HERC2: variants seen among roughly 807,000 people sequenced by gnomAD.
HERC2 encodes the protein HECT and RLD domain containing E3 ubiquitin protein ligase 2.
In HERC2, 102 loss-of-function variants were observed where a neutral mutation model predicts 537.7. That is an observed-to-expected ratio of 0.19 (90% CI 0.16 to 0.22). The LOEUF (loss-of-function observed/expected upper bound fraction) is 0.22, where lower values mean the gene tolerates loss of function less well. Ranked by LOEUF, HERC2 falls within the 10% of genes least tolerant of loss-of-function variation. The pLI, the probability that HERC2 is intolerant of heterozygous loss-of-function variation, is 1.00. For missense variants in HERC2, 4,236 were observed against 6,198.2 expected, an observed-to-expected ratio of 0.68 and a Z score of 10.63; for synonymous variants, 2,224 against 2,466.2, an observed-to-expected ratio of 0.90 and a Z score of 2.91.
intron 10 of HERC2, among the ~76,000 whole-genome samples, chr15:28,270,414 G>A (rs2075690457): frequency 6.6e-6 from 1 of 152,090 alleles, no homozygotes; most frequent in East Asian, 1.9e-4. Flanking sequence ...CAGAAGGTGG[G>A]AGGGCCTGGG....
intron 83 of HERC2, among the ~76,000 whole-genome samples, chr15:28,129,221 T>C (rs1401472786): frequency 2.0e-5 from 3 of 152,230 alleles, no homozygotes; most frequent in Non-Finnish European, 4.4e-5. Flanking sequence ...CAGTGTATTA[T>C]GGCAAGAGGA....
At chr15:28,263,240 T>A in intron 14 of HERC2, 71 bp from the exon 15 acceptor site, 3 of 1,524,396 alleles carry the variant, frequency 2.0e-6, no homozygotes, top group Non-Finnish European at 2.7e-6. Context: ...TGACTGCAAA[T>A]AATATAATGA....
At chr15:28,224,455 C>A (rs957094198) in intron 35 of HERC2, among the ~76,000 whole-genome samples, 1 of 152,156 alleles carries the variant, frequency 6.6e-6, no homozygotes, top group African/African-American at 2.4e-5. Flanking sequence ...CTCCTGAGCT[C>A]AAGCGACCCA....
At position 28,179,178 on chromosome 15, in the gene HERC2, C is replaced by T; in HGVS notation, c.8983G>A (p.Val2995Ile). Residue 2995 changes from valine (V) to isoleucine (I), a missense_variant, in exon 58 of 93, where the codon GTA becomes ATA. Around this residue, in one of 27 missense-constraint regions of HERC2, gnomAD observed 606 missense variants for 884.5 expected, o/e 0.69. Coordinates refer to ENST00000261609, the MANE Select transcript of HERC2 (RefSeq NM_004667.6). ...FSETLSALNVVQVAGGSKSLF... is the reference protein window; with the variant it reads ...FSETLSALNVIQVAGGSKSLF... ...CTTTTAGATCCACCAGCCACCTGTACCACATTCAAAGCTGACAGTGTCTCA... is the reference window on the plus strand; with the variant it reads ...CTTTTAGATCCACCAGCCACCTGTATCACATTCAAAGCTGACAGTGTCTCA... 6.2e-7 allele frequency: 1 copy of T among 1,613,068 alleles called. No individual in the cohort carries two copies. Among genetic ancestry groups the T allele is most frequent in the Admixed American group, 1.7e-5 (1 of 59,948 alleles).
rs1351105512 is a variant in HERC2, at chr15:28,270,768, A to G, written c.1184T>C (p.Val395Ala). ...CAGACGGTCTAAATGGGCCATGACA[A>G]CAACCGCCGTTTGTCGCAGATCAAT... ...LAIDLRQTAVVVMAHLDRLAT... is the reference protein window; with the variant it reads ...LAIDLRQTAVAVMAHLDRLAT... Residue 395 changes from valine (V) to alanine (A), a missense_variant, in exon 10 of 93, where the codon GTT becomes GCT. By Grantham distance (64) the Val-to-Ala change is moderately conservative (BLOSUM62 0). Transcript: ENST00000261609. 1 of 1,613,886 alleles carries G rather than the reference A, an allele frequency of 6.2e-7. No homozygotes were observed. The highest frequency in any genetic ancestry group is 1.3e-5 in the African/African-American group (1 of 74,928).
intron 20 of HERC2, among the ~76,000 whole-genome samples, chr15:28,249,569 T>G (rs921290514): frequency 6.6e-6 from 1 of 152,126 alleles, no homozygotes; most frequent in Non-Finnish European, 1.5e-5. Flanking sequence ...TAATGGAATG[T>G]CAGGCTGTGG....
At chr15:28,241,430 G>A (rs1209445513) in intron 23 of HERC2, among the ~76,000 whole-genome samples, 1 of 151,910 alleles carries the variant, frequency 6.6e-6, no homozygotes, top group Non-Finnish European at 1.5e-5. Context: ...ATAAAATGGT[G>A]CAGCCACTCC....
chr15:28,304,696 G>A (rs1383871116), intron 2 of HERC2, among the ~76,000 whole-genome samples: 2 of 147,500 alleles, frequency 1.4e-5, no homozygotes, highest in East Asian at 3.9e-4. Flanking sequence ...TCTAGCAAGG[G>A]CTTCCATTTT....
intron 5 of HERC2, among the ~76,000 whole-genome samples, chr15:28,277,373 A>G (rs946711684): frequency 6.6e-6 from 1 of 151,972 alleles, no homozygotes; most frequent in African/African-American, 2.4e-5. Context: ...ACTGTGTCAC[A>G]GTTTGCAACT....
chr15:28,156,794 C>G (rs1319303951), intron 69 of HERC2, among the ~76,000 whole-genome samples: 1 of 152,104 alleles, frequency 6.6e-6, no homozygotes, highest in Non-Finnish European at 1.5e-5. Flanking sequence ...CTATGTTGAA[C>G]AGGAGTGGTG....
At chr15:28,318,113 A>T (rs2077137424) in intron 2 of HERC2, among the ~76,000 whole-genome samples, 1 of 152,160 alleles carries the variant, frequency 6.6e-6, no homozygotes, top group Admixed American at 6.5e-5. Context: ...TTTTAAGAAT[A>T]AAAAGCTTTT....
At chr15:28,116,204 T>G (rs940963895) in intron 88 of HERC2, among the ~76,000 whole-genome samples, 1 of 145,938 alleles carries the variant, frequency 6.9e-6, no homozygotes, top group East Asian at 2.1e-4. Flanking sequence ...CGATCAATAT[T>G]AAAAGTCTTT....
chr15:28,146,119 C>T, intron 71 of HERC2, 118 bp downstream of exon 71: 1 of 708,478 alleles, frequency 1.4e-6, no homozygotes, highest in East Asian at 2.7e-5. Context: ...GCATATTGTC[C>T]CTTCCTTAAG....
chr15:28,276,333 A>AC (rs2075873704), intron 5 of HERC2, among the ~76,000 whole-genome samples: 1 of 152,068 alleles, frequency 6.6e-6, no homozygotes, highest in Non-Finnish European at 1.5e-5. Context: ...TGAATAATGC[A>AC]CCGGGAGCTC....
chr15:28,164,392 G>C (rs952939701), intron 68 of HERC2, among the ~76,000 whole-genome samples: 5 of 152,186 alleles, frequency 3.3e-5, no homozygotes, highest in African/African-American at 9.7e-5. Flanking sequence ...CCTTGCTCCT[G>C]CCTCTGCATG....
intron 86 of HERC2, among the ~76,000 whole-genome samples, chr15:28,119,399 C>CAAAAAAAAA (rs201078187): frequency 2.2e-5 from 3 of 133,922 alleles, no homozygotes; most frequent in African/African-American, 3.5e-5. Context: ...GACTCCCTCT[C>CAAAAAAAAA]AAAAAAAAAA....
chr15:28,159,099 G>C (rs1893310355), intron 69 of HERC2, among the ~76,000 whole-genome samples: 1 of 152,202 alleles, frequency 6.6e-6, no homozygotes, highest in African/African-American at 2.4e-5. Context: ...TTTCTGCCCA[G>C]AGATCCGCTG....
intron 69 of HERC2, among the ~76,000 whole-genome samples, chr15:28,158,373 G>A (rs569128336): frequency 6.6e-6 from 1 of 152,296 alleles, no homozygotes; most frequent in African/African-American, 2.4e-5. Flanking sequence ...GGGAGTCGAA[G>A]TCTCTTTGTG....
At chr15:28,297,537 A>AAC (rs1168909491) in intron 3 of HERC2, among the ~76,000 whole-genome samples, 1 of 152,220 alleles carries the variant, frequency 6.6e-6, no homozygotes, top group Non-Finnish European at 1.5e-5. Flanking sequence ...ATTAAATATA[A>AAC]ACCCATTATG....
Sources: allele counts gnomAD v4.1 joint callset (sites outside exome capture counted in the v4.1 genomes callset), GRCh38; gene constraint gnomAD v4.1.1; regional missense constraint gnomAD v4.1.1; transcripts MANE v1.5; gene names NCBI Gene and HGNC (gene_info 2026-07-23, HGNC 2026-07-21).